PDE4D: variants seen among roughly 807,000 people sequenced by gnomAD.
PDE4D encodes the protein 3',5'-cyclic-AMP phosphodiesterase 4D.
In PDE4D, 24 loss-of-function variants were observed where a neutral mutation model predicts 87.4. The observed-to-expected ratio is 0.27, with a 90% CI of 0.20 to 0.39. PDE4D has a LOEUF of 0.39. Ranked by LOEUF, PDE4D falls within the 10% of genes least tolerant of loss-of-function variation. The pLI is 1.00. For missense variants in PDE4D, 714 were observed against 1,041.0 expected, an observed-to-expected ratio of 0.69 and a Z score of 4.32; for synonymous variants, 384 against 383.2, an observed-to-expected ratio of 1.00 and a Z score of -0.02.
intron 1 of PDE4D, among the ~76,000 whole-genome samples, chr5:59,889,360 A>G: frequency 6.6e-6 from 1 of 151,264 alleles, no homozygotes; most frequent in Non-Finnish European, 1.5e-5. Flanking sequence ...TCATGACAGT[A>G]ATCCCAGCAC....
At chr5:60,303,391 C>A (rs1221464807) in intron 1 of PDE4D, among the ~76,000 whole-genome samples, 6 of 149,806 alleles carry the variant, frequency 4.0e-5, no homozygotes, top group African/African-American at 1.5e-4. Context: ...TCACTGCAAG[C>A]TCCGCCTCCC....
chr5:60,374,607 T>C (rs1437528139), intron 1 of PDE4D, among the ~76,000 whole-genome samples: 2 of 152,088 alleles, frequency 1.3e-5, no homozygotes, highest in African/African-American at 2.4e-5. Context: ...ATCTCACTTA[T>C]CCACAACACC....
Position 59,824,699 on chromosome 5 carries a change from G to A in PDE4D, c.455+68469C>T, listed in dbSNP as rs114662551. On this transcript the variant is annotated intron_variant, in intron 1 of 14. Transcript: ENST00000340635. ...GCGGGAAAGTCCCAGTCTTTTGTAT[G>A]CTTCACAATCTCCTGGATATTGCCC... is the stretch of plus-strand genomic sequence containing the variant. 5.1e-4 allele frequency among the ~76,000 whole-genome samples: 77 copies of A among 152,250 alleles called. 1 individual carries two copies. The highest frequency in any genetic ancestry group is 7.8e-4 in the Non-Finnish European group (53 of 67,998).
chr5:60,368,131 C>T (rs911529792), intron 1 of PDE4D, among the ~76,000 whole-genome samples: 7 of 152,184 alleles, frequency 4.6e-5, no homozygotes, highest in African/African-American at 1.7e-4. Context: ...TGCTCATAAA[C>T]TTACCCATTT....
intron 5 of PDE4D, among the ~76,000 whole-genome samples, chr5:59,069,734 T>G (rs920279941): frequency 2.7e-5 from 4 of 150,624 alleles, no homozygotes; most frequent in African/African-American, 7.3e-5. Flanking sequence ...TTGCAACAAA[T>G]AACTTTTCTT....
intron 6 of PDE4D, among the ~76,000 whole-genome samples, chr5:59,032,045 T>C (rs1310487279): frequency 6.6e-6 from 1 of 152,092 alleles, no homozygotes; most frequent in African/African-American, 2.4e-5. Context: ...ACCCCAGTAA[T>C]TAATAACGTA....
intron 1 of PDE4D, among the ~76,000 whole-genome samples, chr5:59,218,875 T>G (rs1322339239): frequency 1.3e-5 from 2 of 152,022 alleles, no homozygotes; most frequent in East Asian, 3.9e-4. Flanking sequence ...TCTTAAATGA[T>G]GAGTTCATGT....
intron 2 of PDE4D, among the ~76,000 whole-genome samples, chr5:60,064,204 A>G (rs944128980): frequency 5.3e-5 from 8 of 152,222 alleles, no homozygotes; most frequent in Admixed American, 5.2e-4. Flanking sequence ...AAAAGTTAAT[A>G]CTTACGGAGG....
At chr5:59,995,710 A>T (rs1336995035) in intron 2 of PDE4D, among the ~76,000 whole-genome samples, 1 of 152,160 alleles carries the variant, frequency 6.6e-6, no homozygotes, top group Admixed American at 6.5e-5. Context: ...TATGACACCA[A>T]GTCAGCCTTC....
At chr5:59,506,409 A>C (rs1809275947) in intron 1 of PDE4D, among the ~76,000 whole-genome samples, 1 of 152,118 alleles carries the variant, frequency 6.6e-6, no homozygotes, top group Non-Finnish European at 1.5e-5. Flanking sequence ...AAAATAGCTT[A>C]TTGGCTAAGA....
chr5:59,777,060 C>G (rs755505489), intron 1 of PDE4D, among the ~76,000 whole-genome samples: 1 of 152,194 alleles, frequency 6.6e-6, no homozygotes, highest in Non-Finnish European at 1.5e-5. Flanking sequence ...CTTAACTCGA[C>G]TTTCCACAAA....
At chr5:59,376,265 G>A (rs1462094586) in intron 1 of PDE4D, among the ~76,000 whole-genome samples, 5 of 152,232 alleles carry the variant, frequency 3.3e-5, no homozygotes, top group African/African-American at 7.2e-5. Flanking sequence ...CAGATTACAC[G>A]ATCCTATATC....
intron 1 of PDE4D, among the ~76,000 whole-genome samples, chr5:59,319,398 T>G (rs1280013298): frequency 6.6e-6 from 1 of 152,132 alleles, no homozygotes; most frequent in Non-Finnish European, 1.5e-5. Flanking sequence ...AACTAATCTC[T>G]GACCTTTAAT....
chr5:59,963,280 G>T (rs1193535767), intron 3 of PDE4D, among the ~76,000 whole-genome samples: 1 of 152,152 alleles, frequency 6.6e-6, no homozygotes, highest in Non-Finnish European at 1.5e-5. Flanking sequence ...AGTCAGATTT[G>T]ATTTCCCTTT....
At chr5:59,181,481 T>C (rs1201720919) in intron 4 of PDE4D, among the ~76,000 whole-genome samples, 1 of 149,128 alleles carries the variant, frequency 6.7e-6, no homozygotes, top group East Asian at 1.9e-4. Flanking sequence ...TTATTACTTG[T>C]AACTGACAGC....
At chr5:59,167,729 A>AGACAAAAAG (rs1156930586) in intron 5 of PDE4D, among the ~76,000 whole-genome samples, 8 of 152,024 alleles carry the variant, frequency 5.3e-5, no homozygotes, top group Non-Finnish European at 1.2e-4. Context: ...GTTTTCTATT[A>AGACAAAAAG]ACTTAATGCT....
chr5:60,088,909 G>T (rs1005790729), intron 2 of PDE4D, among the ~76,000 whole-genome samples: 3 of 152,004 alleles, frequency 2.0e-5, no homozygotes, highest in African/African-American at 7.2e-5. Flanking sequence ...CCAACTATAT[G>T]CTGTCTACAA....
chr5:60,001,645 G>A (rs1764022292), intron 2 of PDE4D, among the ~76,000 whole-genome samples: 1 of 151,922 alleles, frequency 6.6e-6, no homozygotes. Context: ...TCTAAATTTA[G>A]AATAAAAGTT....
chr5:60,418,746 C>A (rs1439198531), intron 1 of PDE4D, among the ~76,000 whole-genome samples: 1 of 152,044 alleles, frequency 6.6e-6, no homozygotes, highest in Non-Finnish European at 1.5e-5. Context: ...TCCAGTTACA[C>A]TCTCGGTTAT....
Sources: gnomAD v4.1 joint callset for allele counts (sites outside exome capture counted in the v4.1 genomes callset) on GRCh38, gnomAD v4.1.1 for gene constraint, MANE v1.5 for transcripts, NCBI Gene and HGNC (gene_info 2026-07-23, HGNC 2026-07-21) for gene names.